Variants in PDZD2 observed in about 807,000 individuals in gnomAD.
The protein encoded by PDZD2 is PDZ domain-containing protein 2.
Under a neutral mutation model 220.7 loss-of-function variants are expected in PDZD2, and 90 were observed. That is an observed-to-expected ratio of 0.41 (90% CI 0.34 to 0.49). The LOEUF (loss-of-function observed/expected upper bound fraction) is 0.49, where lower values mean the gene tolerates loss of function less well. Ranked by LOEUF, PDZD2 falls within the 20% of genes least tolerant of loss-of-function variation. The pLI, the probability that PDZD2 is intolerant of heterozygous loss-of-function variation, is 0.28. For synonymous variants in PDZD2, 1,375 were observed against 1,450.5 expected, an observed-to-expected ratio of 0.95 and a Z score of 1.18; for missense variants, 3,174 against 3,608.5, an observed-to-expected ratio of 0.88 and a Z score of 3.08.
chr5:31,956,758 C>CAAA (rs70957986), intron 2 of PDZD2, among the ~76,000 whole-genome samples: 15 of 73,702 alleles, frequency 2.0e-4, no homozygotes, highest in African/African-American at 2.8e-4. Context: ...GACTCCATCT[C>CAAA]AAAAAAAAAA....
chr5:31,687,784 C>T (rs1056964965), intron 1 of PDZD2, among the ~76,000 whole-genome samples: 2 of 152,214 alleles, frequency 1.3e-5, no homozygotes, highest in African/African-American at 4.8e-5. Flanking sequence ...CCTCACGTGG[C>T]AGAGAGAGCG....
At chr5:32,106,295 T>G (rs1744757233) in intron 24 of PDZD2, 3 of 152,318 alleles carry the variant, frequency 2.0e-5, no homozygotes, top group African/African-American at 2.4e-5. Context: ...CACGTGAGAA[T>G]CTAATGCTGC....
chr5:31,885,646 C>G (rs1740391391), intron 2 of PDZD2, among the ~76,000 whole-genome samples: 2 of 151,912 alleles, frequency 1.3e-5, no homozygotes, highest in Non-Finnish European at 2.9e-5. Context: ...CCTAATCAGC[C>G]ACAAATGTAA....
intron 2 of PDZD2, among the ~76,000 whole-genome samples, chr5:31,959,038 T>C (rs1263273034): frequency 6.6e-6 from 1 of 151,778 alleles, no homozygotes; most frequent in African/African-American, 2.4e-5. Context: ...GTTGAAGAGA[T>C]TCTTCTGCCT....
At chr5:31,796,576 C>T (rs1317542334) in intron 1 of PDZD2, among the ~76,000 whole-genome samples, 1 of 152,078 alleles carries the variant, frequency 6.6e-6, no homozygotes, top group East Asian at 1.9e-4. Context: ...CCTGATTGTC[C>T]CAGCGTGGGT....
intron 6 of PDZD2, among the ~76,000 whole-genome samples, chr5:32,035,513 GAGAA>G (rs761199963): frequency 5.0e-4 from 76 of 151,968 alleles, no homozygotes; most frequent in Non-Finnish European, 9.3e-4. Context: ...TTTTTTTTAA[GAGAA>G]AGAAAGGGTC....
chr5:31,655,329 C>G (rs182304480), intron 1 of PDZD2, among the ~76,000 whole-genome samples: 1 of 152,102 alleles, frequency 6.6e-6, no homozygotes, highest in Non-Finnish European at 1.5e-5. Context: ...CACACCACCA[C>G]GCCCAGCTAA....
At chr5:32,104,343 A>C (rs1744528667) in intron 24 of PDZD2, among the ~76,000 whole-genome samples, 1 of 152,076 alleles carries the variant, frequency 6.6e-6, no homozygotes, top group African/African-American at 2.4e-5. Flanking sequence ...TTACAGAACA[A>C]GCATTTGAAT....
intron 6 of PDZD2, among the ~76,000 whole-genome samples, chr5:32,031,061 A>G (rs1437317441): frequency 6.6e-6 from 1 of 152,026 alleles, no homozygotes; most frequent in Non-Finnish European, 1.5e-5. Context: ...CAGTCTTAAA[A>G]TCATTTGTCT....
chr5:31,916,646 G>A (rs1174284990), intron 2 of PDZD2, among the ~76,000 whole-genome samples: 2 of 144,630 alleles, frequency 1.4e-5, no homozygotes, highest in Admixed American at 7.1e-5. Flanking sequence ...GACGTTGCAC[G>A]TGTTCAGCTG....
chr5:31,901,415 C>CAAA (rs11300764), intron 2 of PDZD2, among the ~76,000 whole-genome samples: 135 of 136,464 alleles, frequency 9.9e-4, no homozygotes, highest in African/African-American at 3.6e-3. Context: ...GAGACTGTCT[C>CAAA]AAAAAAAAAA....
In PDZD2 at chr5:31,983,191, C is replaced by T; in HGVS notation, c.513C>T (p.Ile171=). The change falls in exon 3 of 25, where the codon ATC becomes ATT. Residue 171 remains isoleucine, a synonymous_variant. Coordinates refer to ENST00000438447, the MANE Select transcript of PDZD2 (RefSeq NM_178140.4). The part of the protein sequence containing the change: ...LAEQCWNGGF[I]YLIMLRRFKH... ...AGCAGTGCTGGAATGGCGGCTTTAT[C>T]TACCTGATCATGCTGCGTCGCTTTA... 6.2e-7 allele frequency: 1 copy of T among 1,614,150 alleles called. No homozygotes were observed. Among genetic ancestry groups the T allele is most frequent in the South Asian group, 1.1e-5 (1 of 91,076 alleles).
chr5:31,986,105 T>A (rs1750699123), intron 3 of PDZD2, among the ~76,000 whole-genome samples: 1 of 145,814 alleles, frequency 6.9e-6, no homozygotes, highest in Non-Finnish European at 1.5e-5. Context: ...AAAATTGAAC[T>A]TCTGGAGTCG....
intron 2 of PDZD2, among the ~76,000 whole-genome samples, chr5:31,836,885 G>A (rs2150277887): frequency 6.6e-6 from 1 of 152,110 alleles, no homozygotes; most frequent in Middle Eastern, 3.4e-3. Flanking sequence ...GGGCATGATG[G>A]TGGGTGCCTG....
intron 1 of PDZD2, among the ~76,000 whole-genome samples, chr5:31,790,257 C>T (rs1006670409): frequency 1.3e-5 from 2 of 152,092 alleles, no homozygotes; most frequent in African/African-American, 4.8e-5. Context: ...GCCACCATGC[C>T]CAGCTAATTT....
At chr5:31,662,286 G>A (rs1745799244) in intron 1 of PDZD2, among the ~76,000 whole-genome samples, 1 of 152,012 alleles carries the variant, frequency 6.6e-6, no homozygotes, top group Non-Finnish European at 1.5e-5. Context: ...ACTCTAGCCT[G>A]GGCGACAAGG....
At chr5:31,808,063 G>T (rs1223080183) in intron 2 of PDZD2, among the ~76,000 whole-genome samples, 2 of 152,190 alleles carry the variant, frequency 1.3e-5, no homozygotes, top group Non-Finnish European at 2.9e-5. Flanking sequence ...AAAAATGACT[G>T]CAGGTAGTGA....
chr5:31,994,782 T>A (rs140590247), intron 3 of PDZD2, among the ~76,000 whole-genome samples: 1 of 152,228 alleles, frequency 6.6e-6, no homozygotes, highest in Admixed American at 6.5e-5. Flanking sequence ...CCAAAGCACC[T>A]GGCCCTCAAT....
intron 2 of PDZD2, among the ~76,000 whole-genome samples, chr5:31,830,228 C>T (rs1278698042): frequency 2.0e-5 from 3 of 149,282 alleles, no homozygotes; most frequent in East Asian, 2.0e-4. Context: ...TGCAGTGGAG[C>T]GATCTCGGCT....
Sources: gnomAD v4.1 joint callset for allele counts (sites outside exome capture counted in the v4.1 genomes callset) on GRCh38, gnomAD v4.1.1 for gene constraint, MANE v1.5 for transcripts, NCBI Gene and HGNC (gene_info 2026-07-23, HGNC 2026-07-21) for gene names.